Variants in DCUN1D4 observed in about 807,000 individuals in gnomAD.
DCUN1D4 encodes the protein DCN1-like protein 4.
A neutral mutation model predicts 47.9 loss-of-function variants in DCUN1D4; 22 were observed. That is an observed-to-expected ratio of 0.46 (90% confidence interval 0.33 to 0.66). The LOEUF is 0.66. Among genes scored for constraint, DCUN1D4 ranks in the 30% least tolerant of loss-of-function variants. The pLI is 0.02. For synonymous variants in DCUN1D4, 121 were observed against 112.2 expected (o/e 1.08, Z -0.50); for missense variants, 301 against 340.8 (o/e 0.88, Z 0.92).
intron 3 of DCUN1D4, among the ~76,000 whole-genome samples, chr4:51,871,962 G>A (rs1560477491): frequency 6.6e-6 from 1 of 152,162 alleles, no homozygotes; most frequent in African/African-American, 2.4e-5. Context: ...GCTGGTGTGG[G>A]AGGAGTGATA....
chr4:51,887,892 G>GTT lies in DCUN1D4; in HGVS notation c.414+1263_414+1264dup, dbSNP rs750579834. ...ACTTATTACATAGATTTTTATCTTG[G>GTT]TTTTTTTTTTGGTTTTTTTTTTTTT... On this transcript the variant is annotated intron_variant, in intron 6 of 10. Transcript: ENST00000334635. Among the ~76,000 whole-genome samples the GTT allele has an allele frequency of 3.9e-4, 51 of 129,444 alleles. No homozygotes were observed. The South Asian group carries it at 4.0e-3, about 10-fold the overall frequency. 84.9% of individuals were successfully genotyped at this position (129,444 alleles called of 152,430 possible).
chr4:51,909,364 C>G (rs991268217), intron 8 of DCUN1D4: 1 of 189,590 alleles, frequency 5.3e-6, no homozygotes, highest in African/African-American at 2.3e-5. Context: ...TGTGGTGCCG[C>G]GTGTGTTTCT....
At chr4:51,834,558 T>A in the DCUN1D4 span, among the ~76,000 whole-genome samples, 8 of 152,162 alleles carry the variant, frequency 5.3e-5, no homozygotes, top group Non-Finnish European at 1.5e-5. Flanking sequence ...AGGCTCCTTC[T>A]CCACGGCTTT....
At chr4:51,839,507 G>T (rs1370257114), upstream of DCUN1D4, among the ~76,000 whole-genome samples, 1 of 152,150 alleles carries the variant, frequency 6.6e-6, no homozygotes, top group Non-Finnish European at 1.5e-5. Context: ...GAAAGAAGTT[G>T]TTATCACTTG....
chr4:51,908,861 G>C (rs1188496143), intron 8 of DCUN1D4: 2 of 455,686 alleles, frequency 4.4e-6, no homozygotes, highest in African/African-American at 2.0e-5. Flanking sequence ...TTGGTTATCA[G>C]TGAGATGCCA....
intron 1 of DCUN1D4, among the ~76,000 whole-genome samples, chr4:51,850,427 T>C (rs1723200396): frequency 6.6e-6 from 1 of 152,058 alleles, no homozygotes; most frequent in Non-Finnish European, 1.5e-5. Context: ...CTGGGTCAGG[T>C]TGGGAGGCAA....
intron 6 of DCUN1D4, chr4:51,887,146 G>T (rs1358071655): frequency 6.6e-6 from 3 of 451,636 alleles, no homozygotes; most frequent in African/African-American, 6.0e-5. Flanking sequence ...CTGTCGCCAG[G>T]CTGGAGTGCA....
intron 1 of DCUN1D4, chr4:51,844,298 G>C: frequency 6.1e-6 from 6 of 982,648 alleles, no homozygotes; most frequent in East Asian, 1.2e-4. Context: ...TCCAAGCTTC[G>C]GGGTGCGGAG....
At chr4:51,869,344 C>G (rs1344233001) in intron 3 of DCUN1D4, among the ~76,000 whole-genome samples, 1 of 152,040 alleles carries the variant, frequency 6.6e-6, no homozygotes, top group African/African-American at 2.4e-5. Flanking sequence ...ACTTAAGTTA[C>G]TGTATCTTTG....
chr4:51,896,499 C>G (rs1430214670), intron 7 of DCUN1D4, among the ~76,000 whole-genome samples: 1 of 152,136 alleles, frequency 6.6e-6, no homozygotes, highest in Non-Finnish European at 1.5e-5. Context: ...CGGTGAAGAA[C>G]AGGGACCTCG....
chr4:51,880,557 G>A (rs957510975), intron 5 of DCUN1D4, among the ~76,000 whole-genome samples: 1 of 152,146 alleles, frequency 6.6e-6, no homozygotes, highest in African/African-American at 2.4e-5. Flanking sequence ...CCAAGTTTCT[G>A]TCTGGCCAGT....
chr4:51,863,626 A>G, intron 2 of DCUN1D4, 44 bp from the exon 3 acceptor site: 1 of 1,606,280 alleles, frequency 6.2e-7, no homozygotes, highest in Non-Finnish European at 8.5e-7. Context: ...TGAAAATGCT[A>G]ACGGTATGTG....
chr4:51,897,283 A>G (rs983117169), intron 7 of DCUN1D4, among the ~76,000 whole-genome samples: 1 of 152,192 alleles, frequency 6.6e-6, no homozygotes, highest in Non-Finnish European at 1.5e-5. Flanking sequence ...TAGATAGTTT[A>G]TCATATCAAC....
At chr4:51,897,446 G>A (rs938132269) in intron 7 of DCUN1D4, among the ~76,000 whole-genome samples, 17 of 152,122 alleles carry the variant, frequency 1.1e-4, no homozygotes, top group African/African-American at 3.4e-4. Context: ...TGTATTATCT[G>A]TACTTAGTAG....
chr4:51,843,405 C>T (rs1244396949), intron 1 of DCUN1D4, 138 bp downstream of exon 1: 2 of 1,284,242 alleles, frequency 1.6e-6, no homozygotes, highest in East Asian at 3.1e-5. Context: ...CCCTTCCCCT[C>T]CCGGGGCCGG....
At chr4:51,885,369 G>T (rs995391387) in intron 5 of DCUN1D4, among the ~76,000 whole-genome samples, 1 of 152,206 alleles carries the variant, frequency 6.6e-6, no homozygotes, top group Admixed American at 6.5e-5. Flanking sequence ...TTGATTGGGT[G>T]TGAGAGAAAG....
intron 8 of DCUN1D4, chr4:51,910,690 T>C (rs559931679): frequency 1.1e-4 from 22 of 204,216 alleles, no homozygotes; most frequent in South Asian, 2.3e-4. Context: ...CGTTGAGTTA[T>C]AGGCTTTATG....
chr4:51,843,085 C>T, upstream of DCUN1D4: 1 of 1,415,294 alleles, frequency 7.1e-7, no homozygotes, highest in African/African-American at 1.5e-5. Context: ...AGGGCGGCCC[C>T]TGAGCCGCGG....
intron 3 of DCUN1D4, among the ~76,000 whole-genome samples, chr4:51,864,829 G>A (rs1189934477): frequency 3.9e-5 from 6 of 152,082 alleles, no homozygotes; most frequent in African/African-American, 1.2e-4. Flanking sequence ...TGCTTGTTGG[G>A]GAATTTTGAA....
Sources: gnomAD v4.1 joint callset for allele counts (sites outside exome capture counted in the v4.1 genomes callset) on GRCh38, gnomAD v4.1.1 for gene constraint, MANE v1.5 for transcripts, NCBI Gene and HGNC (gene_info 2026-07-23, HGNC 2026-07-21) for gene names.